GOLGA8B: variants seen among roughly 807,000 people sequenced by gnomAD.
The protein encoded by GOLGA8B is golgin A8 family member B.
In GOLGA8B, 1 loss-of-function variant was observed where a neutral mutation model predicts 15.6. The observed-to-expected ratio is 0.06, with a 90% confidence interval of 0.02 to 0.30. GOLGA8B has a LOEUF of 0.30. GOLGA8B is among the 10% of genes least tolerant of loss of function. GOLGA8B has a pLI of 1.00. For synonymous variants in GOLGA8B, 9 were observed against 80.3 expected (o/e 0.11, Z 4.75); for missense variants, 17 against 201.3 (o/e 0.08, Z 5.54).
chr15:34,576,234 G>A lies in GOLGA8B; in HGVS notation c.-1123+7282C>T, dbSNP rs545385927. On this transcript the variant is annotated intron_variant, in intron 1 of 23. Coordinates refer to ENST00000683415, the MANE Select transcript of GOLGA8B (RefSeq NM_001023567.5). ...CCCCCACGGCAGCTCCCCAAATGAA[G>A]TCAAGACAAGTTGGAGATGAGGCTG... Among the ~76,000 whole-genome samples, 9 of 152,308 alleles carry A rather than the reference G, an allele frequency of 5.9e-5. 1 individual carries two copies. Among genetic ancestry groups the A allele is most frequent in the South Asian group, 4.1e-4 (2 of 4,832 alleles).
chr15:34,564,661 T>C (rs1888711397), intron 1 of GOLGA8B, among the ~76,000 whole-genome samples: 1 of 145,292 alleles, frequency 6.9e-6, no homozygotes, highest in Non-Finnish European at 1.6e-5. Context: ...AATGTTATGG[T>C]CTTGATTGTT....
intron 1 of GOLGA8B, among the ~76,000 whole-genome samples, chr15:34,568,657 T>G (rs1888826262): frequency 4.1e-5 from 1 of 24,518 alleles, no homozygotes; most frequent in Non-Finnish European, 7.0e-5. Context: ...CACTCCAGTC[T>G]GAGCAACATA....
rs1401745740 is a variant in GOLGA8B, at chr15:34,527,313, T to C, written c.*319A>G. The C allele has an allele frequency of 5.2e-5, 20 of 383,186 alleles. No individual in the cohort carries two copies. In the East Asian group the frequency reaches 1.2e-3, roughly 22 times the overall value. 23.7% of individuals were successfully genotyped at this position (383,186 alleles called of 1,614,324 possible). A position where few individuals can be genotyped will look rare whatever the true frequency, so the allele number is the denominator to read the frequency against. The stretch of plus-strand genomic sequence containing the variant: ...GCCTATTCCAAACCAGCGAGAACAG[T>C]TTTGTGCAAAGAGTGGGTCTTTGTG... On this transcript the variant is annotated 3_prime_UTR_variant, in exon 24 of 24. Coordinates refer to ENST00000683415, the MANE Select transcript of GOLGA8B (RefSeq NM_001023567.5).
chr15:34,569,324 G>C (rs2140349687), intron 1 of GOLGA8B, among the ~76,000 whole-genome samples: 1 of 150,594 alleles, frequency 6.6e-6, no homozygotes, highest in South Asian at 2.1e-4. Context: ...CCAGGCCTTG[G>C]ACCCACGCCT....
chr15:34,527,370 C>T lies in GOLGA8B; in HGVS notation c.*262G>A, dbSNP rs982955584. 11 of 450,276 alleles carry T rather than the reference C, an allele frequency of 2.4e-5. No homozygotes were observed. Among genetic ancestry groups the T allele is most frequent in the African/African-American group, 1.5e-4 (7 of 47,658 alleles). The allele number at this position is 450,276 out of a possible 1,614,324, so 27.9% of individuals were successfully genotyped here. On this transcript the variant is annotated 3_prime_UTR_variant, in exon 24 of 24. Coordinates refer to ENST00000683415, the MANE Select transcript of GOLGA8B (RefSeq NM_001023567.5). ...AACTCCCACCACGTAAGGGCAAACT[C>T]GATATGCATGCTAATGACCTACAAT...
intron 1 of GOLGA8B, among the ~76,000 whole-genome samples, chr15:34,576,771 T>C (rs1340786754): frequency 3.3e-5 from 5 of 152,292 alleles, no homozygotes; most frequent in African/African-American, 9.6e-5. Context: ...AATCGGTCCA[T>C]TCATCACTCA....
intron 1 of GOLGA8B, among the ~76,000 whole-genome samples, chr15:34,574,288 C>A: frequency 6.8e-6 from 1 of 147,608 alleles, no homozygotes; most frequent in Non-Finnish European, 1.5e-5. Flanking sequence ...AGAGCTTTCT[C>A]TCCTTCAAAT....
chr15:34,575,097 A>C (rs1200582956), intron 1 of GOLGA8B, among the ~76,000 whole-genome samples: 2 of 120,758 alleles, frequency 1.7e-5, no homozygotes, highest in African/African-American at 3.1e-5. Context: ...GAAATCCTAT[A>C]AATCCTTGTA....
chr15:34,581,999 G>C (rs970440315), intron 1 of GOLGA8B, among the ~76,000 whole-genome samples: 2 of 152,058 alleles, frequency 1.3e-5, no homozygotes, highest in Non-Finnish European at 2.9e-5. Flanking sequence ...GACACTGCCC[G>C]GAGCCCCAGC....
At position 34,565,127 on chromosome 15, in the gene GOLGA8B, C is replaced by A. The variant is rs1233364674; in HGVS notation, c.-1122-11171G>T. Among the ~76,000 whole-genome samples the A allele has an allele frequency of 6.2e-5, 7 of 112,204 alleles. 2 individuals are homozygous for A. The highest frequency in any genetic ancestry group is 9.8e-5 in the Admixed American group (1 of 10,256). The allele number at this position is 112,204 out of a possible 152,430, so 73.6% of individuals were successfully genotyped here. ...CAGCTGCCAGGTCAGCCTCTTAGAT[C>A]CAGTTCTCTTTTTTTTTTTTTTTTT... On this transcript the variant is annotated intron_variant, in intron 1 of 23. Coordinates refer to ENST00000683415, the MANE Select transcript of GOLGA8B (RefSeq NM_001023567.5).
At chr15:34,532,429 C>T (rs2140331691) in intron 11 of GOLGA8B, among the ~76,000 whole-genome samples, 1 of 108,062 alleles carries the variant, frequency 9.3e-6, no homozygotes, top group African/African-American at 2.8e-5. Flanking sequence ...CTTTAAATCT[C>T]AGACTCTCAG....
chr15:34,581,414 C>G (rs1309724630), intron 1 of GOLGA8B: 1 of 152,242 alleles, frequency 6.6e-6, no homozygotes, highest in Non-Finnish European at 1.5e-5. Flanking sequence ...ATCAAGGTGT[C>G]TTATCCCATC....
chr15:34,582,822 G>T (rs1383841671), intron 1 of GOLGA8B: 2 of 152,192 alleles, frequency 1.3e-5, no homozygotes, highest in Middle Eastern at 3.1e-3. Context: ...CACCATCTGC[G>T]GCCAGATCTC....
intron 1 of GOLGA8B, among the ~76,000 whole-genome samples, chr15:34,571,377 G>C (rs560884687): frequency 1.4e-4 from 22 of 151,930 alleles, no homozygotes; most frequent in Non-Finnish European, 3.1e-4. Flanking sequence ...AAAGGTTGGC[G>C]GAAAATGAAA....
Position 34,525,720 on chromosome 15 carries a change from C to CT in GOLGA8B, c.*1911_*1912insA, listed in dbSNP as rs1894426698. ...TATCTAATACATTGATAAATTCATA[C>CT]AATTCGGAAGAGTCAGTTGAAGTCA... On this transcript the variant is annotated 3_prime_UTR_variant, in exon 24 of 24. Coordinates refer to ENST00000683415, the MANE Select transcript of GOLGA8B (RefSeq NM_001023567.5). The CT allele has an allele frequency of 6.7e-6, 1 of 149,682 alleles. No individual in the cohort carries two copies. Among genetic ancestry groups the CT allele is most frequent in the African/African-American group, 2.5e-5 (1 of 40,380 alleles). 9.3% of individuals were successfully genotyped at this position (149,682 alleles called of 1,614,324 possible).
At chr15:34,557,057 G>A (rs1334079790) in intron 1 of GOLGA8B, among the ~76,000 whole-genome samples, 1 of 134,116 alleles carries the variant, frequency 7.5e-6, no homozygotes, top group African/African-American at 2.7e-5. Context: ...GGGGCAACTC[G>A]TGTGTCGCAG....
chr15:34,539,143 A>C (rs1394029671), intron 7 of GOLGA8B, among the ~76,000 whole-genome samples: 1 of 94,718 alleles, frequency 1.1e-5, no homozygotes, highest in Non-Finnish European at 2.2e-5. Flanking sequence ...TCAGTGTTCC[A>C]GGCAACTTTG....
rs1044337690 is a variant in GOLGA8B, at chr15:34,525,739, G to C, written c.*1893C>G. The C allele has an allele frequency of 3.3e-5, 5 of 149,566 alleles. 1 individual carries two copies. The highest frequency in any genetic ancestry group is 1.2e-4 in the African/African-American group (5 of 40,344). 9.3% of individuals were successfully genotyped at this position (149,566 alleles called of 1,614,324 possible). On this transcript the variant is annotated 3_prime_UTR_variant, in exon 24 of 24. Coordinates refer to ENST00000683415, the MANE Select transcript of GOLGA8B (RefSeq NM_001023567.5). ...TTCATACAATTCGGAAGAGTCAGTT[G>C]AAGTCACAAGGACCCAATATCTGCC...
intron 7 of GOLGA8B, among the ~76,000 whole-genome samples, chr15:34,543,302 T>C (rs1888241764): frequency 6.9e-6 from 1 of 144,454 alleles, no homozygotes; most frequent in South Asian, 2.2e-4. Flanking sequence ...GCCTCCTGAT[T>C]AGCTGGGAGT....
Sources: allele counts gnomAD v4.1 joint callset (sites outside exome capture counted in the v4.1 genomes callset), GRCh38; gene constraint gnomAD v4.1.1; transcripts MANE v1.5; gene names NCBI Gene and HGNC (gene_info 2026-07-23, HGNC 2026-07-21).